The following CACNA1E variants were observed in gnomAD, a reference collection of about 807,000 sequenced individuals.
CACNA1E encodes the protein voltage-dependent R-type calcium channel subunit alpha-1E.
In CACNA1E, 40 loss-of-function variants were observed where a neutral mutation model predicts 259.2. The ratio of observed to expected loss-of-function variants is 0.15; its 90% confidence interval spans 0.12 to 0.20. CACNA1E has a LOEUF of 0.20. Ranked by LOEUF, CACNA1E falls within the 10% of genes least tolerant of loss-of-function variation. The pLI is 1.00. For synonymous variants in CACNA1E, 1,104 were observed against 1,138.5 expected (o/e 0.97, Z 0.61); for missense variants, 1,874 against 3,040.1 (o/e 0.62, Z 9.02).
chr1:181,408,564 G>T (rs1004688049), intron 1 of CACNA1E, among the ~76,000 whole-genome samples: 1 of 152,236 alleles, frequency 6.6e-6, no homozygotes, highest in African/African-American at 2.4e-5. Context: ...GGCAGTGCAG[G>T]GTGCTTGTGT....
At chr1:181,502,783 C>T (rs560388553) in intron 1 of CACNA1E, among the ~76,000 whole-genome samples, 3 of 152,248 alleles carry the variant, frequency 2.0e-5, no homozygotes, top group East Asian at 1.9e-4. Context: ...ACCACAACCT[C>T]CATCTCCTGG....
At chr1:181,706,277 A>G (rs1160404167) in intron 7 of CACNA1E, among the ~76,000 whole-genome samples, 1 of 152,100 alleles carries the variant, frequency 6.6e-6, no homozygotes, top group Non-Finnish European at 1.5e-5. Flanking sequence ...TAACCGTAAT[A>G]TGCATCATCA....
chr1:181,776,167 C>T lies in CACNA1E; in HGVS notation c.5206C>T (p.Leu1736=). Residue 1736 remains leucine (L), a synonymous_variant, in exon 38 of 48, where the codon CTG becomes TTG. Transcript: ENST00000367573. This position sits in a 1 kb window ranked among gnomAD's most constrained non-coding sequence, Gnocchi z 4.4. ...GTACCTGACTCGGGACTCCTCCATCCTGGGGCCTCACCACTTGGACGAGTT... is the reference window on the plus strand; with the variant it reads ...GTACCTGACTCGGGACTCCTCCATCTTGGGGCCTCACCACTTGGACGAGTT... ...FEYLTRDSSI[L]GPHHLDEFVR... The T allele has an allele frequency of 2.5e-6, 4 of 1,614,006 alleles. No homozygotes were observed. The highest frequency in any genetic ancestry group is 3.4e-6 in the Non-Finnish European group (4 of 1,179,834).
intron 2 of CACNA1E, among the ~76,000 whole-genome samples, chr1:181,448,352 T>A (rs1306428875): frequency 6.6e-6 from 1 of 152,228 alleles, no homozygotes; most frequent in Admixed American, 6.5e-5. Flanking sequence ...CCTTGTTTGA[T>A]GATGAGTTAA....
At chr1:181,733,080 G>A in intron 20 of CACNA1E, 46 bp downstream of exon 20, 3 of 1,504,970 alleles carry the variant, frequency 2.0e-6, no homozygotes, top group East Asian at 2.3e-5. Flanking sequence ...ACAGGCTGCT[G>A]TTAGGTGTTC....
At chr1:181,391,157 C>T (rs1656246397) in intron 1 of CACNA1E, among the ~76,000 whole-genome samples, 1 of 152,202 alleles carries the variant, frequency 6.6e-6, no homozygotes, top group South Asian at 2.1e-4. Flanking sequence ...GGGCACATCA[C>T]CTGTGGCTGA....
rs1012205888 is a variant in CACNA1E at position 181,398,462 on chromosome 1, T to C, written c.-14-14671T>C. Among the ~76,000 whole-genome samples the C allele has an allele frequency of 3.3e-5, 5 of 152,312 alleles. No homozygotes were observed. In the East Asian group the frequency reaches 5.8e-4, roughly 18 times the overall value. On this transcript the variant is annotated intron_variant, in intron 1 of 11. Transcript: ENST00000524607. The stretch of plus-strand genomic sequence containing the variant: ...TTGGAGGAAAGGACAATTATCTCCA[T>C]ATTACAGATGAGAAAACTGAGGCCC...
At chr1:181,580,877 T>C (rs1651448068) in intron 6 of CACNA1E, 101 bp downstream of exon 6, 1 of 962,284 alleles carries the variant, frequency 1.0e-6, no homozygotes, top group Non-Finnish European at 1.6e-6. Flanking sequence ...GGGAGGGCTA[T>C]GGATATAGGT....
intron 6 of CACNA1E, among the ~76,000 whole-genome samples, chr1:181,642,628 G>A (rs1398386591): frequency 6.6e-6 from 1 of 152,222 alleles, no homozygotes; most frequent in Non-Finnish European, 1.5e-5. Flanking sequence ...AGCAAGCCCT[G>A]TAGAAGGGGC....
At chr1:181,319,138 G>A (rs1399348846) in intron 1 of CACNA1E, among the ~76,000 whole-genome samples, 3 of 152,166 alleles carry the variant, frequency 2.0e-5, no homozygotes, top group Non-Finnish European at 4.4e-5. Context: ...TGCGTGCAGA[G>A]ATCTGGGGGC....
chr1:181,414,437 G>A (rs1364044802), intron 2 of CACNA1E, among the ~76,000 whole-genome samples: 1 of 152,150 alleles, frequency 6.6e-6, no homozygotes, highest in Non-Finnish European at 1.5e-5. Context: ...ATACAAGTAG[G>A]GGTAAATGAG....
rs75867952 is a variant in CACNA1E at position 181,696,493 on chromosome 1, A to G, written c.1056-14461A>G. ...ACAGAATTATATAACCAAATTCTCT[A>G]TAGTTACCCCTTCAGAAGTAAAGCC... is the stretch of plus-strand genomic sequence containing the variant. On this transcript the variant is annotated intron_variant, in intron 7 of 47. Transcript: ENST00000367573. Among the ~76,000 whole-genome samples, 540 of 152,330 alleles carry G rather than the reference A, an allele frequency of 3.5e-3. 3 individuals are homozygous for G. Among genetic ancestry groups the G allele is most frequent in the Non-Finnish European group, 5.5e-3 (373 of 68,020 alleles).
At chr1:181,757,611 G>A (rs1162169244) in intron 30 of CACNA1E, among the ~76,000 whole-genome samples, 1 of 152,198 alleles carries the variant, frequency 6.6e-6, no homozygotes, top group East Asian at 1.9e-4. Flanking sequence ...GCGACATAAA[G>A]TGCTGTAGAA....
In CACNA1E at chr1:181,776,245, G is replaced by A; in HGVS notation, c.5267+17G>A. ...AGCAGCATGGTGCGTAGGCCCCTCG[G>A]CCGCCCCAGCGGGGCCCAGAGCAAA... On this transcript the variant is annotated intron_variant, in intron 38 of 47. Coordinates refer to ENST00000367573, the MANE Select transcript of CACNA1E (RefSeq NM_001205293.3). The surrounding 1 kb of genome is among the most constrained non-coding windows in gnomAD (Gnocchi z 4.4). 7 of 1,613,654 alleles carry A rather than the reference G, an allele frequency of 4.3e-6. No individual in the cohort carries two copies. The highest frequency in any genetic ancestry group is 5.9e-6 in the Non-Finnish European group (7 of 1,179,580).
intron 34 of CACNA1E, among the ~76,000 whole-genome samples, chr1:181,764,784 C>CAT (rs553037967): frequency 2.0e-5 from 3 of 148,352 alleles, no homozygotes; most frequent in African/African-American, 7.4e-5. Context: ...CTTTTAAAAC[C>CAT]TTTTTTTTTT....
intron 7 of CACNA1E, among the ~76,000 whole-genome samples, chr1:181,656,938 G>C (rs996180227): frequency 3.3e-5 from 5 of 152,120 alleles, no homozygotes; most frequent in African/African-American, 4.8e-5. Flanking sequence ...TATGTAGTAG[G>C]CTATACCATC....
chr1:181,366,054 G>T (rs912850344), intron 1 of CACNA1E, among the ~76,000 whole-genome samples: 4 of 152,164 alleles, frequency 2.6e-5, no homozygotes, highest in Non-Finnish European at 1.5e-5. Context: ...TACATCTGTG[G>T]GCTGGGGAGA....
chr1:181,442,754 C>T (rs1660578207), intron 2 of CACNA1E, among the ~76,000 whole-genome samples: 1 of 152,182 alleles, frequency 6.6e-6, no homozygotes, highest in Non-Finnish European at 1.5e-5. Flanking sequence ...CCTTCCACAT[C>T]CTGTCTCTTT....
intron 22 of CACNA1E, among the ~76,000 whole-genome samples, chr1:181,736,720 T>C (rs1333290485): frequency 6.6e-6 from 1 of 152,076 alleles, no homozygotes; most frequent in Non-Finnish European, 1.5e-5. Context: ...GGTCAGTAGG[T>C]AGTGTGGAGG....
Sources: gnomAD v4.1 joint callset for allele counts (sites outside exome capture counted in the v4.1 genomes callset) on GRCh38, gnomAD v4.1.1 for gene constraint, Gnocchi (gnomAD v3.1) non-coding constraint, MANE v1.5 for transcripts, NCBI Gene and HGNC (gene_info 2026-07-23, HGNC 2026-07-21) for gene names.